RDX: variants seen among roughly 807,000 people sequenced by gnomAD.
The protein encoded by RDX is radixin.
A neutral mutation model predicts 83.7 loss-of-function variants in RDX; 32 were observed. The observed-to-expected ratio is 0.38, with a 90% confidence interval of 0.29 to 0.51. The LOEUF (loss-of-function observed/expected upper bound fraction) is 0.51. Ranked by LOEUF, RDX falls within the 20% of genes least tolerant of loss-of-function variation. RDX has a pLI of 0.87. For synonymous variants in RDX, 229 were observed against 222.7 expected (o/e 1.03, Z -0.25); for missense variants, 600 against 689.9 (o/e 0.87, Z 1.46).
chr11:110,202,881 TAAC>T (rs1218861244), intron 14 of RDX, among the ~76,000 whole-genome samples: 2 of 152,070 alleles, frequency 1.3e-5, no homozygotes, highest in Non-Finnish European at 2.9e-5. Context: ...AGACAGGTAA[TAAC>T]AAATGCTGGT....
intron 3 of RDX, among the ~76,000 whole-genome samples, chr11:110,271,970 T>C (rs749221035): frequency 1.3e-4 from 20 of 152,222 alleles, no homozygotes; most frequent in Non-Finnish European, 1.9e-4. Flanking sequence ...CAAAACTCAG[T>C]ATGCATAAAA....
At chr11:110,268,249 C>T (rs1001312779) in intron 3 of RDX, among the ~76,000 whole-genome samples, 2 of 149,754 alleles carry the variant, frequency 1.3e-5, no homozygotes, top group Non-Finnish European at 3.0e-5. Context: ...GGAGGTTGCA[C>T]TGCATTGAGC....
At chr11:110,184,184 GTGGCAGCAA>G (rs1349214622) in intron 15 of RDX, among the ~76,000 whole-genome samples, 10 of 152,342 alleles carry the variant, frequency 6.6e-5, no homozygotes, top group South Asian at 6.2e-4. Context: ...TCTGAGCACT[GTGGCAGCAA>G]CAGGGATGTT....
Position 110,233,464 on chromosome 11 carries a change from C to T in RDX, c.1360G>A (p.Glu454Lys). The T allele has an allele frequency of 6.2e-7, 1 of 1,614,058 alleles. No homozygotes were observed. Among genetic ancestry groups the T allele is most frequent in the Non-Finnish European group, 8.5e-7 (1 of 1,179,998 alleles). The change falls in exon 13 of 14, where the codon GAA (glutamate) becomes AAA (lysine). Residue 454 changes from glutamate (E) to lysine (K), a missense_variant. Glu to Lys is a moderately conservative substitution (Grantham distance 56). Coordinates refer to ENST00000645495, the MANE Select transcript of RDX (RefSeq NM_002906.4). ...TCTTCTTTGGTCTTTTCCAAGTCTT[C>T]CTGGGCTGCAAAAGCCTGAACATTA... is the stretch of plus-strand genomic sequence containing the variant. ...EWQHKAFAAQ[E>K]DLEKTKEELK...
intron 2 of RDX, among the ~76,000 whole-genome samples, chr11:110,276,186 TATG>T (rs923220423): frequency 1.3e-5 from 2 of 152,206 alleles, no homozygotes; most frequent in Admixed American, 1.3e-4. Context: ...GATTTTTGCT[TATG>T]ATGTTAGAGG....
chr11:110,261,145 C>T (rs1009671609), intron 5 of RDX, among the ~76,000 whole-genome samples: 3 of 152,166 alleles, frequency 2.0e-5, no homozygotes, highest in Admixed American at 1.3e-4. Context: ...AAGGTCTGCA[C>T]CCACATATGC....
In RDX at chr11:110,199,769, AT is replaced by A. The variant is rs963957219; in HGVS notation, c.1749-92del. ...GGCAGGCTGACTACTTGCTCAGCACATTGCAACATCAGGGCGCTCTTGTCAG... is the reference window on the plus strand; with the variant it reads ...GGCAGGCTGACTACTTGCTCAGCACATGCAACATCAGGGCGCTCTTGTCAG... On this transcript the variant is annotated intron_variant, in intron 14 of 15. Coordinates refer to the RDX transcript ENST00000528498. The A allele has an allele frequency of 2.7e-5, 19 of 699,280 alleles. No individual in the cohort carries two copies. In the Admixed American group the frequency reaches 3.8e-4, roughly 14 times the overall value. 43.3% of individuals were successfully genotyped at this position (699,280 alleles called of 1,614,324 possible). A position where few individuals can be genotyped will look rare whatever the true frequency, so the allele number is the denominator to read the frequency against.
At position 110,252,777 on chromosome 11, in the gene RDX, C is replaced by CTTTT. The variant is rs1859391231; in HGVS notation, c.959+1168_959+1169insAAAA. 6.7e-5 allele frequency among the ~76,000 whole-genome samples: 3 copies of CTTTT among 44,836 alleles called. No homozygotes were observed. The South Asian group carries it at 2.1e-3, about 31-fold the overall frequency. The allele number at this position is 44,836 out of a possible 152,430, so 29.4% of individuals were successfully genotyped here. A position where few individuals can be genotyped will look rare whatever the true frequency, so the allele number is the denominator to read the frequency against. ...ATCAAAGTAACAATCCAACTCATTA[C>CTTTT]TCTTTTTTTTATTTTTATTTTTAAG... On this transcript the variant is annotated intron_variant, in intron 9 of 13. Coordinates refer to ENST00000645495, the MANE Select transcript of RDX (RefSeq NM_002906.4).
chr11:110,246,097 T>G (rs1426317230), intron 10 of RDX, among the ~76,000 whole-genome samples: 1 of 152,172 alleles, frequency 6.6e-6, no homozygotes, highest in African/African-American at 2.4e-5. Context: ...GATCTCACTA[T>G]GTTGCCCAGA....
chr11:110,209,609 C>T (rs968503370), intron 14 of RDX, among the ~76,000 whole-genome samples: 22 of 150,040 alleles, frequency 1.5e-4, no homozygotes, highest in Admixed American at 6.6e-4. Context: ...TTGAAGAGAG[C>T]AGTGGTTCTC....
At chr11:110,184,163 G>A (rs567744212) in intron 15 of RDX, among the ~76,000 whole-genome samples, 5 of 152,348 alleles carry the variant, frequency 3.3e-5, no homozygotes, top group African/African-American at 9.6e-5. Context: ...TGGCGCTGGA[G>A]ACGGAGCTGA....
At position 110,237,577 on chromosome 11, in the gene RDX, A is replaced by T. The variant is rs1291327971; in HGVS notation, c.1166T>A (p.Leu389His). The change falls in exon 11 of 14, where the codon CTT (leucine) becomes CAT (histidine). Residue 389 changes from leucine to histidine, a missense_variant. Transcript: ENST00000645495. The stretch of plus-strand genomic sequence containing the variant: ...TTCAGCAGCTCGACGCTCCTTTTCA[A>T]GTCGTTCTGCTTCTTCTTTTGCTCG... ...RKRAKEEAERLEKERRAAEEA... is the reference protein window; with the variant it reads ...RKRAKEEAERHEKERRAAEEA... 1 of 1,614,124 alleles carries T rather than the reference A, an allele frequency of 6.2e-7. No individual in the cohort carries two copies. Among genetic ancestry groups the T allele is most frequent in the East Asian group, 2.2e-5 (1 of 44,886 alleles).
chr11:110,272,390 G>A, intron 3 of RDX, 146 bp downstream of exon 3: 1 of 688,826 alleles, frequency 1.5e-6, no homozygotes, highest in Middle Eastern at 3.5e-4. Flanking sequence ...TACTGCTGTA[G>A]TAGGGATATC....
chr11:110,228,859 A>C (rs1864517228), downstream of RDX, among the ~76,000 whole-genome samples: 1 of 151,954 alleles, frequency 6.6e-6, no homozygotes, highest in Admixed American at 6.6e-5. Context: ...TGACAGGATC[A>C]GAGTAAAAAA....
rs145214665 is a variant in RDX, at chr11:110,209,222, G to A, written c.1749-9544C>T. On this transcript the variant is annotated intron_variant, in intron 14 of 15. Coordinates refer to the RDX transcript ENST00000528498. The stretch of plus-strand genomic sequence containing the variant: ...TTCCCTTTCTGAGTCAAAGAAAGGG[G>A]TGACGGACGGCACCTGGAAAATCGG... Among the ~76,000 whole-genome samples, 1,431 of 152,284 alleles carry A rather than the reference G, an allele frequency of 9.4e-3. 30 individuals are homozygous for A. The highest frequency in any genetic ancestry group is 0.033 in the African/African-American group (1,361 of 41,544).
intron 3 of RDX, among the ~76,000 whole-genome samples, chr11:110,271,488 A>T (rs1860309524): frequency 6.6e-6 from 1 of 152,144 alleles, no homozygotes; most frequent in Non-Finnish European, 1.5e-5. Flanking sequence ...TCATGTTCTT[A>T]CTTAATCCCT....
chr11:110,211,023 T>C lies in RDX; in HGVS notation c.1749-11345A>G, dbSNP rs184730189. ...CTTTAAATGTAAATGGACTAAATGATCCAATTAAAAGACACAGACTGGCAA... is the reference window on the plus strand; with the variant it reads ...CTTTAAATGTAAATGGACTAAATGACCCAATTAAAAGACACAGACTGGCAA... On this transcript the variant is annotated intron_variant, in intron 14 of 15. Coordinates refer to the RDX transcript ENST00000528498. Among the ~76,000 whole-genome samples, 971 of 151,964 alleles carry C rather than the reference T, an allele frequency of 6.4e-3. 11 individuals carry two copies. The highest frequency in any genetic ancestry group is 0.021 in the African/African-American group (875 of 41,432).
At chr11:110,192,600 A>G (rs967438876) in intron 15 of RDX, among the ~76,000 whole-genome samples, 1 of 152,244 alleles carries the variant, frequency 6.6e-6, no homozygotes, top group Non-Finnish European at 1.5e-5. Context: ...GGGAGAAAAT[A>G]TTCTCAAACT....
intron 15 of RDX, chr11:110,185,743 C>G (rs1306998687): frequency 6.6e-6 from 1 of 152,300 alleles, no homozygotes; most frequent in Non-Finnish European, 1.5e-5. Flanking sequence ...CTTTCTAATA[C>G]TGAACCCCAG....
Sources: gnomAD v4.1 joint callset for allele counts (sites outside exome capture counted in the v4.1 genomes callset) on GRCh38, gnomAD v4.1.1 for gene constraint, MANE v1.5 for transcripts, NCBI Gene and HGNC (gene_info 2026-07-23, HGNC 2026-07-21) for gene names.